The following LAMTOR3 variants were observed in gnomAD, a reference collection of about 807,000 sequenced individuals.
LAMTOR3 encodes ragulator complex protein LAMTOR3.
LAMTOR3 carries 14 observed loss-of-function variants against 20.3 expected under a neutral mutation model. That is an observed-to-expected ratio of 0.69 (90% CI 0.46 to 1.08). LAMTOR3 has a LOEUF of 1.08. Ranked by LOEUF, LAMTOR3 falls within the 50% of genes least tolerant of loss-of-function variation. LAMTOR3 has a pLI of 0.00. For synonymous variants in LAMTOR3, 40 were observed against 49.4 expected (o/e 0.81, Z 0.80); for missense variants, 125 against 143.7 (o/e 0.87, Z 0.67).
chr4:99,890,011 TC>T (rs1336656281), intron 3 of LAMTOR3, among the ~76,000 whole-genome samples: 1 of 152,154 alleles, frequency 6.6e-6, no homozygotes, highest in Non-Finnish European at 1.5e-5. Context: ...TGTTTTCAAT[TC>T]TACATACAAT....
chr4:99,890,648 C>T (rs936974905), intron 3 of LAMTOR3, among the ~76,000 whole-genome samples: 1 of 151,294 alleles, frequency 6.6e-6, no homozygotes, highest in African/African-American at 2.4e-5. Flanking sequence ...ACTGACAGTA[C>T]TAATACCTTT....
chr4:99,892,804 G>A (rs1725046437), intron 2 of LAMTOR3, among the ~76,000 whole-genome samples: 1 of 151,144 alleles, frequency 6.6e-6, no homozygotes, highest in Non-Finnish European at 1.5e-5. Flanking sequence ...TCAACCTCCC[G>A]AGTAGCTGGG....
Position 99,881,345 on chromosome 4 carries a change from ACT to A in LAMTOR3, c.*647_*648del, listed in dbSNP as rs1724823885. On this transcript the variant is annotated 3_prime_UTR_variant, in exon 7 of 7. Transcript: ENST00000499666. ...ATGAAGAACACACAAACATTAAAAC[ACT>A]GATTGGTTACAGAAAGCAGAGTTTG... 6.6e-6 allele frequency: 1 copy of A among 152,244 alleles called. No homozygotes were observed. 9.4% of individuals were successfully genotyped at this position (152,244 alleles called of 1,614,324 possible). A position where few individuals can be genotyped will look rare whatever the true frequency, so the allele number is the denominator to read the frequency against.
chr4:99,892,569 T>C (rs1725041577), intron 2 of LAMTOR3, among the ~76,000 whole-genome samples: 1 of 152,158 alleles, frequency 6.6e-6, no homozygotes, highest in Non-Finnish European at 1.5e-5. Context: ...TTTGTTGAAC[T>C]CACCTACTCA....
intron 5 of LAMTOR3, among the ~76,000 whole-genome samples, chr4:99,885,119 C>G (rs79559353): frequency 0.018 from 2,775 of 152,232 alleles, 38 homozygotes; most frequent in Non-Finnish European, 0.028. Flanking sequence ...ATAATAATCT[C>G]ATTTATTACA....
intron 4 of LAMTOR3, among the ~76,000 whole-genome samples, chr4:99,886,983 A>G (rs1724940579): frequency 6.6e-6 from 1 of 152,132 alleles, no homozygotes; most frequent in Non-Finnish European, 1.5e-5. Context: ...CTAGCTGAAT[A>G]CATGCTCACT....
intron 6 of LAMTOR3, among the ~76,000 whole-genome samples, chr4:99,882,678 C>T (rs943827190): frequency 6.6e-6 from 1 of 151,804 alleles, no homozygotes; most frequent in African/African-American, 2.4e-5. Flanking sequence ...TGTCTCTAAG[C>T]AAATTTTAAC....
At chr4:99,889,832 T>TC (rs1491434335) in intron 3 of LAMTOR3, among the ~76,000 whole-genome samples, 2 of 152,214 alleles carry the variant, frequency 1.3e-5, no homozygotes, top group East Asian at 3.9e-4. Flanking sequence ...ACAGGTAGCT[T>TC]CTTTTTTTAA....
rs369101249 is a variant in LAMTOR3, at chr4:99,885,526, A to C, written c.237+16T>G. ...ACAACTGAAATCAGCAAATCATTTT[A>C]TAATTATGAACTTACCTGGTAGGTG... is the stretch of plus-strand genomic sequence containing the variant. On this transcript the variant is annotated intron_variant, in intron 5 of 6. Transcript: ENST00000499666. 316 of 1,573,592 alleles carry C rather than the reference A, an allele frequency of 2.0e-4. 4 individuals are homozygous for C. In the South Asian group the frequency reaches 3.4e-3, roughly 17 times the overall value.
At chr4:99,882,166 T>G (rs1724840426) in intron 6 of LAMTOR3, 99 bp from the exon 7 acceptor site, 1 of 695,850 alleles carries the variant, frequency 1.4e-6, no homozygotes, top group Non-Finnish European at 2.4e-6. Flanking sequence ...TTACCAAAAG[T>G]AAATCAGAAC....
rs1724760991 is a variant in LAMTOR3, at chr4:99,878,817, C to A, written c.*3177G>T. 6.6e-6 allele frequency: 1 copy of A among 152,272 alleles called. No individual in the cohort carries two copies. 9.4% of individuals were successfully genotyped at this position (152,272 alleles called of 1,614,324 possible). A position where few individuals can be genotyped will look rare whatever the true frequency, so the allele number is the denominator to read the frequency against. On this transcript the variant is annotated 3_prime_UTR_variant, in exon 7 of 7. Transcript: ENST00000499666. ...GAATGAAAGCACTATTAATAATTAT[C>A]CAAGAACAGCAGGTATAAACTGGTA...
At chr4:99,885,827 TAA>T (rs1192799576) in intron 4 of LAMTOR3, 152 bp from the exon 5 acceptor site, 1 of 615,862 alleles carries the variant, frequency 1.6e-6, no homozygotes, top group African/African-American at 1.9e-5. Context: ...GTCTCATCAC[TAA>T]TCAGGAAAAA....
chr4:99,892,680 A>ATT (rs368209166), intron 2 of LAMTOR3, among the ~76,000 whole-genome samples: 44,632 of 143,328 alleles, frequency 0.31, 7,956 homozygotes, highest in African/African-American at 0.49. Flanking sequence ...GTGAGGCAAC[A>ATT]TTTTTTTTTT....
rs942267480 is a variant in LAMTOR3 at position 99,878,364 on chromosome 4, A to G, written c.*3630T>C. On this transcript the variant is annotated 3_prime_UTR_variant, in exon 7 of 7. Coordinates refer to ENST00000499666, the MANE Select transcript of LAMTOR3 (RefSeq NM_021970.4). ...TGCTTCTTTGGAGAGCCCTGAGACA[A>G]CTTTCTTCCCCAAATATCCCATTTT... 2 of 152,232 alleles carry G rather than the reference A, an allele frequency of 1.3e-5. No homozygotes were observed. The highest frequency in any genetic ancestry group is 2.9e-5 in the Non-Finnish European group (2 of 68,040). 9.4% of individuals were successfully genotyped at this position (152,232 alleles called of 1,614,324 possible). A position where few individuals can be genotyped will look rare whatever the true frequency, so the allele number is the denominator to read the frequency against.
chr4:99,890,226 A>G (rs142810620), intron 3 of LAMTOR3, among the ~76,000 whole-genome samples: 8 of 152,364 alleles, frequency 5.3e-5, no homozygotes, highest in African/African-American at 1.9e-4. Context: ...TTTTATACAC[A>G]TAATTATGAA....
chr4:99,889,799 T>A (rs1331203845), intron 3 of LAMTOR3, among the ~76,000 whole-genome samples: 4 of 152,172 alleles, frequency 2.6e-5, no homozygotes, highest in Non-Finnish European at 1.5e-5. Context: ...ACCACAAAAA[T>A]GTTTAGAAAA....
chr4:99,887,734 G>T (rs868469019), intron 3 of LAMTOR3, among the ~76,000 whole-genome samples: 2 of 152,168 alleles, frequency 1.3e-5, no homozygotes, highest in African/African-American at 4.8e-5. Flanking sequence ...AGTATTTGTG[G>T]CACTTAATAC....
chr4:99,891,630 T>TA (rs1174676245), intron 3 of LAMTOR3, among the ~76,000 whole-genome samples: 1 of 151,902 alleles, frequency 6.6e-6, no homozygotes, highest in Admixed American at 6.6e-5. Flanking sequence ...AAAGAGATAA[T>TA]AAAAAGAGGA....
chr4:99,888,310 AT>A (rs1218547885), intron 3 of LAMTOR3, among the ~76,000 whole-genome samples: 1 of 152,246 alleles, frequency 6.6e-6, no homozygotes, highest in Non-Finnish European at 1.5e-5. Flanking sequence ...TAATTCAAAA[AT>A]ATCACTTATT....
Sources: gnomAD v4.1 joint callset for allele counts (sites outside exome capture counted in the v4.1 genomes callset) on GRCh38, gnomAD v4.1.1 for gene constraint, MANE v1.5 for transcripts, NCBI Gene and HGNC (gene_info 2026-07-23, HGNC 2026-07-21) for gene names.